GALNS: variants seen among roughly 807,000 people sequenced by gnomAD.
GALNS encodes the protein galactosamine (N-acetyl)-6-sulfatase, also known as N-acetylgalactosamine-6-sulfatase.
A neutral mutation model predicts 65.9 loss-of-function variants in GALNS; 65 were observed. That is an observed-to-expected ratio of 0.99 (90% CI 0.81 to 1.21). The LOEUF (loss-of-function observed/expected upper bound fraction) is 1.21. GALNS is among the 50% of genes most tolerant of loss of function. GALNS has a pLI of 0.00. For synonymous variants in GALNS, 346 were observed against 288.9 expected (o/e 1.20, Z -2.00); for missense variants, 776 against 700.7 (o/e 1.11, Z -1.21).
At chr16:88,855,750 G>C in intron 1 of GALNS, 1 of 549,570 alleles carries the variant, frequency 1.8e-6, no homozygotes, top group Non-Finnish European at 3.2e-6. Context: ...TTCCAATTCC[G>C]ACAGCCACGA....
chr16:88,830,927 C>A (rs1470415713), intron 9 of GALNS, among the ~76,000 whole-genome samples: 1 of 152,214 alleles, frequency 6.6e-6, no homozygotes, highest in Admixed American at 6.5e-5. Context: ...TTTTTAAACA[C>A]TCAGCCTGCT....
At chr16:88,856,538 C>G (rs1967901768) in intron 1 of GALNS, 1 of 696,848 alleles carries the variant, frequency 1.4e-6, no homozygotes, top group East Asian at 2.7e-5. Context: ...GCCTGGACCC[C>G]GCGGCCACTC....
intron 9 of GALNS, among the ~76,000 whole-genome samples, chr16:88,827,577 G>C (rs1911064000): frequency 6.6e-6 from 1 of 152,130 alleles, no homozygotes; most frequent in Admixed American, 6.5e-5. Context: ...CTCCCGAGAA[G>C]CTGGGATTAC....
At position 88,814,060 on chromosome 16, in the gene GALNS, C is replaced by T. The variant is rs1337205070; in HGVS notation, c.*379G>A. The T allele has an allele frequency of 1.1e-5, 4 of 371,162 alleles. 1 individual carries two copies. The highest frequency in any genetic ancestry group is 7.7e-5 in the Admixed American group (2 of 26,072). The allele number at this position is 371,162 out of a possible 1,614,324, so 23.0% of individuals were successfully genotyped here. ...AAGATGTATAAAGGCAAACTGTATC[C>T]CCAGCCACCTCAGGCACCTGTTGTC... On this transcript the variant is annotated 3_prime_UTR_variant, in exon 14 of 14. Transcript: ENST00000268695.
At chr16:88,816,135 C>T (rs1327969517) in intron 13 of GALNS, 2 of 985,344 alleles carry the variant, frequency 2.0e-6, no homozygotes. Flanking sequence ...CACTTTTCCC[C>T]CTGCAGAGAG....
chr16:88,852,005 T>C (rs1420383175), intron 1 of GALNS, among the ~76,000 whole-genome samples: 1 of 152,222 alleles, frequency 6.6e-6, no homozygotes, highest in African/African-American at 2.4e-5. Context: ...AAGAGAGCAG[T>C]GGTTCTCCCG....
chr16:88,848,099 G>A (rs973403413), intron 1 of GALNS, among the ~76,000 whole-genome samples: 7 of 152,206 alleles, frequency 4.6e-5, no homozygotes, highest in African/African-American at 1.4e-4. Flanking sequence ...AGGCCCATGA[G>A]CCGTAAGATT....
chr16:88,854,797 C>T, intron 1 of GALNS, among the ~76,000 whole-genome samples: 1 of 152,256 alleles, frequency 6.6e-6, no homozygotes, highest in Non-Finnish European at 1.5e-5. Flanking sequence ...CAGGGAATCC[C>T]CACTGTTGCT....
At chr16:88,842,990 G>A in intron 1 of GALNS, 161 bp from the exon 2 acceptor site, 1 of 1,507,574 alleles carries the variant, frequency 6.6e-7, no homozygotes, top group Middle Eastern at 2.2e-4. Context: ...AGCATCGCCT[G>A]CGTGCGTGCA....
At chr16:88,856,590 C>G in intron 1 of GALNS, 168 bp downstream of exon 1, 1 of 453,410 alleles carries the variant, frequency 2.2e-6, no homozygotes. Context: ...TACCCCCCGT[C>G]CCCTCCCCCT....
At chr16:88,819,494 G>T (rs564703645) in intron 12 of GALNS, among the ~76,000 whole-genome samples, 1 of 152,274 alleles carries the variant, frequency 6.6e-6, no homozygotes, top group African/African-American at 2.4e-5. Flanking sequence ...CTGACGGTGA[G>T]CGTCCCCGAA....
At chr16:88,848,225 C>T (rs1967341233) in intron 1 of GALNS, among the ~76,000 whole-genome samples, 1 of 152,212 alleles carries the variant, frequency 6.6e-6, no homozygotes, top group South Asian at 2.1e-4. Context: ...GGGCTTCCTT[C>T]CGTGGTGACA....
chr16:88,814,107 A>G lies in GALNS; in HGVS notation c.*332T>C, dbSNP rs984806625. The stretch of plus-strand genomic sequence containing the variant: ...TGTCAGGACCTCCTGAGGCTGTCAC[A>G]GGTGCATCCTTAACCTTGGCAAAAT... On this transcript the variant is annotated 3_prime_UTR_variant, in exon 14 of 14. Transcript: ENST00000268695. 1.4e-5 allele frequency: 6 copies of G among 427,178 alleles called. No homozygotes were observed. The highest frequency in any genetic ancestry group is 3.5e-5 in the Admixed American group (1 of 28,282). The allele number at this position is 427,178 out of a possible 1,614,324, so 26.5% of individuals were successfully genotyped here. A position where few individuals can be genotyped will look rare whatever the true frequency, so the allele number is the denominator to read the frequency against.
intron 2 of GALNS, 78 bp from the exon 3 acceptor site, chr16:88,842,049 G>A (rs1369721688): frequency 8.7e-6 from 11 of 1,270,990 alleles, no homozygotes; most frequent in Admixed American, 5.8e-5. Context: ...GAGCCCCAAC[G>A]AGTAGACAGA....
At chr16:88,854,193 T>C (rs1967646654) in intron 1 of GALNS, among the ~76,000 whole-genome samples, 1 of 152,216 alleles carries the variant, frequency 6.6e-6, no homozygotes, top group Non-Finnish European at 1.5e-5. Flanking sequence ...CTGTGGGTCA[T>C]CAAGCCATCC....
chr16:88,855,568 A>G (rs1274432673), intron 1 of GALNS: 4 of 691,290 alleles, frequency 5.8e-6, no homozygotes, highest in Non-Finnish European at 1.1e-5. Context: ...GCTGCCCAGG[A>G]CTGTCGGCTG....
chr16:88,836,037 G>T (rs947499945), intron 6 of GALNS, among the ~76,000 whole-genome samples, 164 bp downstream of exon 6: 1 of 145,392 alleles, frequency 6.9e-6, no homozygotes, highest in Non-Finnish European at 1.5e-5. Context: ...TGCGGTCCCC[G>T]TCCCCACGCG....
chr16:88,824,781 C>G lies in GALNS; in HGVS notation c.1228G>C (p.Glu410Gln). ...AHFWTWTNSW[E>Q]NFRQGIDFCP... Reference sequence around the variant, plus strand: ...GAGCCCTGTACCTGTCTGAAGTTCTCCCAGGAGTTGGTCCAGGTCCAGAAG... The same window carrying G: ...GAGCCCTGTACCTGTCTGAAGTTCTGCCAGGAGTTGGTCCAGGTCCAGAAG... Residue 410 changes from glutamate to glutamine, a missense_variant, in exon 11 of 14, where the codon GAG becomes CAG. Transcript: ENST00000268695. 1 of 1,613,372 alleles carries G rather than the reference C, an allele frequency of 6.2e-7. No individual in the cohort carries two copies. Among genetic ancestry groups the G allele is most frequent in the Non-Finnish European group, 8.5e-7 (1 of 1,179,972 alleles).
intron 12 of GALNS, among the ~76,000 whole-genome samples, chr16:88,819,946 C>T (rs1205128634): frequency 6.6e-6 from 1 of 152,114 alleles, no homozygotes; most frequent in Non-Finnish European, 1.5e-5. Context: ...CCTGCCTCGG[C>T]CTCCCAAAGT....
Sources: gnomAD v4.1 joint callset for allele counts (sites outside exome capture counted in the v4.1 genomes callset) on GRCh38, gnomAD v4.1.1 for gene constraint, MANE v1.5 for transcripts, NCBI Gene and HGNC (gene_info 2026-07-23, HGNC 2026-07-21) for gene names.